NECAB1: variants seen among roughly 807,000 people sequenced by gnomAD.
NECAB1 encodes N-terminal EF-hand calcium binding protein 1.
In NECAB1, 29 loss-of-function variants were observed where a neutral mutation model predicts 57.5. The observed-to-expected ratio is 0.50, with a 90% CI of 0.38 to 0.69. The LOEUF (loss-of-function observed/expected upper bound fraction) is 0.69, where lower values mean the gene tolerates loss of function less well. Ranked by LOEUF, NECAB1 falls within the 30% of genes least tolerant of loss-of-function variation. NECAB1 has a pLI of 0.00. For synonymous variants in NECAB1, 142 were observed against 147.7 expected, an observed-to-expected ratio of 0.96 and a Z score of 0.28; for missense variants, 372 against 413.8, an observed-to-expected ratio of 0.90 and a Z score of 0.88.
chr8:90,873,516 G>A (rs1427800400), intron 4 of NECAB1, among the ~76,000 whole-genome samples: 1 of 152,170 alleles, frequency 6.6e-6, no homozygotes, highest in Non-Finnish European at 1.5e-5. Flanking sequence ...AGATAAAATG[G>A]AGAACACAAG....
intron 5 of NECAB1, among the ~76,000 whole-genome samples, chr8:90,898,197 C>G (rs1369283167): frequency 6.6e-6 from 1 of 152,110 alleles, no homozygotes; most frequent in African/African-American, 2.4e-5. Flanking sequence ...AAAGAACTAC[C>G]AAGCCTGGCT....
At chr8:90,876,373 ACTCT>A (rs955954309) in intron 4 of NECAB1, among the ~76,000 whole-genome samples, 5 of 151,736 alleles carry the variant, frequency 3.3e-5, no homozygotes, top group East Asian at 3.9e-4. Flanking sequence ...GGGTTTTAAC[ACTCT>A]CTCTCATCTC....
intron 3 of NECAB1, among the ~76,000 whole-genome samples, chr8:90,867,381 C>T (rs1808538387): frequency 6.6e-6 from 1 of 152,136 alleles, no homozygotes; most frequent in African/African-American, 2.4e-5. Flanking sequence ...ATGTCCTTTT[C>T]AAGTCTGAAC....
intron 3 of NECAB1, among the ~76,000 whole-genome samples, chr8:90,847,021 C>A (rs1295121082): frequency 6.6e-6 from 1 of 152,162 alleles, no homozygotes; most frequent in Non-Finnish European, 1.5e-5. Flanking sequence ...TTCCAACAGT[C>A]CCCCAAAGTC....
At chr8:90,804,572 A>T (rs1320852711) in intron 2 of NECAB1, among the ~76,000 whole-genome samples, 1 of 152,116 alleles carries the variant, frequency 6.6e-6, no homozygotes, top group African/African-American at 2.4e-5. Flanking sequence ...CATTAATCTT[A>T]ATCTTTCCAC....
intron 3 of NECAB1, among the ~76,000 whole-genome samples, chr8:90,850,818 G>A (rs1381246878): frequency 1.3e-5 from 2 of 152,138 alleles, no homozygotes; most frequent in Admixed American, 1.3e-4. Context: ...TAAATGCCTT[G>A]GAATTTCCTG....
At chr8:90,838,644 C>G (rs896791995) in intron 3 of NECAB1, among the ~76,000 whole-genome samples, 1 of 152,224 alleles carries the variant, frequency 6.6e-6, no homozygotes, top group African/African-American at 2.4e-5. Context: ...ATCTGAGTAT[C>G]TGGAGAAAAC....
At chr8:90,941,977 G>A (rs1457029959) in intron 10 of NECAB1, among the ~76,000 whole-genome samples, 1 of 152,168 alleles carries the variant, frequency 6.6e-6, no homozygotes, top group African/African-American at 2.4e-5. Flanking sequence ...AAATGTGTGT[G>A]TGTTTGTGTA....
chr8:90,955,443 A>AT (rs1811014057), intron 12 of NECAB1, 44 bp from the exon 13 acceptor site: 3 of 1,448,096 alleles, frequency 2.1e-6, no homozygotes, highest in Non-Finnish European at 2.8e-6. Flanking sequence ...TCTTTGCCCT[A>AT]TAAGTTATTT....
chr8:90,819,458 A>C (rs763844066), intron 2 of NECAB1, among the ~76,000 whole-genome samples: 2 of 151,918 alleles, frequency 1.3e-5, no homozygotes, highest in African/African-American at 4.8e-5. Context: ...TCTCACTAGG[A>C]TGGGCTGTGT....
At chr8:90,932,494 G>C (rs1219565625) in intron 8 of NECAB1, among the ~76,000 whole-genome samples, 1 of 152,198 alleles carries the variant, frequency 6.6e-6, no homozygotes, top group Non-Finnish European at 1.5e-5. Flanking sequence ...ATATAATACA[G>C]ATAGGGGGTT....
intron 3 of NECAB1, among the ~76,000 whole-genome samples, chr8:90,836,861 G>A (rs1351699038): frequency 6.6e-6 from 1 of 152,234 alleles, no homozygotes; most frequent in Non-Finnish European, 1.5e-5. Flanking sequence ...CAGACATACT[G>A]ATGGATAGAA....
intron 5 of NECAB1, among the ~76,000 whole-genome samples, chr8:90,899,317 G>A (rs1309715821): frequency 2.0e-5 from 3 of 152,174 alleles, no homozygotes; most frequent in Non-Finnish European, 4.4e-5. Flanking sequence ...GTGTATACCA[G>A]GATGTGATTT....
rs1166898978 is a variant in NECAB1 at position 90,957,958 on chromosome 8, T to C, written c.*2446T>C. 6.6e-6 allele frequency: 1 copy of C among 151,338 alleles called. No individual in the cohort carries two copies. The highest frequency in any genetic ancestry group is 1.5e-5 in the Non-Finnish European group (1 of 67,656). The allele number at this position is 151,338 out of a possible 1,614,324, so 9.4% of individuals were successfully genotyped here. A position where few individuals can be genotyped will look rare whatever the true frequency, so the allele number is the denominator to read the frequency against. ...CAAAAAACAGTGAAAAAAAAAGTACTGGTTTAGGAGTTCAAAATTCAGTGA... is the reference window on the plus strand; with the variant it reads ...CAAAAAACAGTGAAAAAAAAAGTACCGGTTTAGGAGTTCAAAATTCAGTGA... On this transcript the variant is annotated 3_prime_UTR_variant, in exon 13 of 13. Transcript: ENST00000417640.
intron 5 of NECAB1, among the ~76,000 whole-genome samples, chr8:90,911,695 G>A (rs1809834457): frequency 6.6e-6 from 1 of 152,132 alleles, no homozygotes. Context: ...TGAAGAGCCT[G>A]CTATGTGCCA....
intron 2 of NECAB1, among the ~76,000 whole-genome samples, chr8:90,809,095 G>T (rs1254092065): frequency 6.6e-6 from 1 of 152,088 alleles, no homozygotes; most frequent in Non-Finnish European, 1.5e-5. Context: ...CCTTTGCCCT[G>T]GTCATTCAGC....
chr8:90,871,098 A>ACTT (rs1808614510), intron 3 of NECAB1, among the ~76,000 whole-genome samples: 1 of 152,188 alleles, frequency 6.6e-6, no homozygotes, highest in Non-Finnish European at 1.5e-5. Context: ...CCTGGCTACT[A>ACTT]ATTAAAGGAC....
intron 5 of NECAB1, among the ~76,000 whole-genome samples, chr8:90,897,675 A>G (rs1809391222): frequency 6.6e-6 from 1 of 152,270 alleles, no homozygotes; most frequent in Non-Finnish European, 1.5e-5. Flanking sequence ...AGTTTATTGC[A>G]TTTCAAAGAG....
chr8:90,906,881 A>ATATATATATATATG (rs1809671032), intron 5 of NECAB1, among the ~76,000 whole-genome samples: 1 of 112,646 alleles, frequency 8.9e-6, no homozygotes, highest in African/African-American at 4.1e-5. Context: ...ATACACATAT[A>ATATATATATATATG]TATATATATA....
Sources: allele counts gnomAD v4.1 joint callset (sites outside exome capture counted in the v4.1 genomes callset), GRCh38; gene constraint gnomAD v4.1.1; transcripts MANE v1.5; gene names NCBI Gene and HGNC (gene_info 2026-07-23, HGNC 2026-07-21).